Variants in SPATA13 observed in about 807,000 individuals in gnomAD.
The protein encoded by SPATA13 is spermatogenesis associated 13.
In SPATA13, 50 loss-of-function variants were observed where a neutral mutation model predicts 104.0. The ratio of observed to expected loss-of-function variants is 0.48; its 90% CI spans 0.38 to 0.61. The LOEUF is 0.61. Ranked by LOEUF, SPATA13 falls within the 20% of genes least tolerant of loss-of-function variation. SPATA13 has a pLI of 0.00. For missense variants in SPATA13, 1,524 were observed against 1,690.6 expected (o/e 0.90, Z 1.73); for synonymous variants, 606 against 667.5 (o/e 0.91, Z 1.42).
intron 3 of SPATA13, among the ~76,000 whole-genome samples, chr13:24,084,675 A>T (rs535674714): frequency 6.6e-6 from 1 of 152,246 alleles, no homozygotes; most frequent in African/African-American, 2.4e-5. Context: ...CACCATGGCC[A>T]TTTGAGTAGT....
intron 5 of SPATA13, 25 bp downstream of exon 5, chr13:24,284,296 G>A (rs778694487): frequency 6.2e-7 from 1 of 1,601,204 alleles, no homozygotes; most frequent in South Asian, 1.1e-5. Context: ...CACGACAGTA[G>A]TGGATACGGG....
intron 4 of SPATA13, among the ~76,000 whole-genome samples, chr13:24,280,450 G>A (rs1875410133): frequency 6.6e-6 from 1 of 151,440 alleles, no homozygotes; most frequent in Non-Finnish European, 1.5e-5. Flanking sequence ...GAGCTGTGCT[G>A]TGGGTGGGAA....
intron 3 of SPATA13, among the ~76,000 whole-genome samples, chr13:24,024,710 T>C (rs1566076619): frequency 6.6e-6 from 1 of 151,232 alleles, no homozygotes; most frequent in Non-Finnish European, 1.5e-5. Flanking sequence ...TATATATATG[T>C]TATATATATA....
chr13:24,105,786 A>G (rs1201387577), intron 3 of SPATA13, among the ~76,000 whole-genome samples: 4 of 152,140 alleles, frequency 2.6e-5, no homozygotes, highest in Non-Finnish European at 4.4e-5. Flanking sequence ...TGATTAAGGA[A>G]AAATGAGGCC....
At chr13:24,129,479 A>G (rs1282926862) in intron 3 of SPATA13, among the ~76,000 whole-genome samples, 1 of 152,220 alleles carries the variant, frequency 6.6e-6, no homozygotes, top group Non-Finnish European at 1.5e-5. Flanking sequence ...TTCTGGAGTT[A>G]GAGGAGGGGA....
At position 24,047,429 on chromosome 13, in the gene SPATA13, G is replaced by C. The variant is rs555484862; in HGVS notation, c.-112+29728G>C. On this transcript the variant is annotated intron_variant, in intron 3 of 14. Transcript: ENST00000424834. ...GCCCTGCATTCATTTTACAAAGGCA[G>C]TTTCGGTCCCTGAGCAAGGAGGGAG... Among the ~76,000 whole-genome samples, 74 of 152,326 alleles carry C rather than the reference G, an allele frequency of 4.9e-4. 1 individual carries two copies. The South Asian group carries it at 0.014, about 29-fold the overall frequency.
At chr13:24,038,146 C>T (rs9511008) in intron 3 of SPATA13, among the ~76,000 whole-genome samples, 63,221 of 151,880 alleles carry the variant, frequency 0.42, 13,650 homozygotes, top group Non-Finnish European at 0.48. Context: ...ATCTCCTGAC[C>T]TCGTGATCCG....
intron 3 of SPATA13, chr13:24,123,122 G>T: frequency 9.8e-7 from 1 of 1,017,948 alleles, no homozygotes; most frequent in Non-Finnish European, 1.6e-6. Context: ...GAATTGCATG[G>T]GTAAGGTCAT....
At chr13:24,078,330 G>A (rs1468647451) in intron 3 of SPATA13, among the ~76,000 whole-genome samples, 1 of 152,210 alleles carries the variant, frequency 6.6e-6, no homozygotes, top group Non-Finnish European at 1.5e-5. Flanking sequence ...GGGCATGATA[G>A]TAGTTTTGAT....
At chr13:24,255,354 G>A (rs1180409673) in intron 4 of SPATA13, among the ~76,000 whole-genome samples, 2 of 152,114 alleles carry the variant, frequency 1.3e-5, no homozygotes, top group Non-Finnish European at 2.9e-5. Flanking sequence ...CTCTGTCATG[G>A]TGGCTCAGGT....
intron 1 of SPATA13, among the ~76,000 whole-genome samples, chr13:24,175,339 C>A (rs572558442): frequency 6.6e-6 from 1 of 152,160 alleles, no homozygotes; most frequent in South Asian, 2.1e-4. Flanking sequence ...TAGTGCCTAG[C>A]AAACATAGGG....
intron 3 of SPATA13, among the ~76,000 whole-genome samples, chr13:24,120,589 C>G (rs1566111094): frequency 6.6e-6 from 1 of 152,184 alleles, no homozygotes; most frequent in Non-Finnish European, 1.5e-5. Flanking sequence ...CCCTCTGCCT[C>G]TGTTTTCTCA....
intron 1 of SPATA13, among the ~76,000 whole-genome samples, chr13:24,207,184 A>G: frequency 6.6e-6 from 1 of 152,292 alleles, no homozygotes; most frequent in Non-Finnish European, 1.5e-5. Context: ...ACATGGACAC[A>G]TGGTGGGGAA....
At chr13:24,120,941 C>G (rs527859569) in intron 3 of SPATA13, among the ~76,000 whole-genome samples, 2 of 152,248 alleles carry the variant, frequency 1.3e-5, no homozygotes, top group African/African-American at 4.8e-5. Context: ...TGGGAAGCTT[C>G]CTGGGGTCTA....
At position 24,268,713 on chromosome 13, in the gene SPATA13, C is replaced by T. The variant is rs1327300145; in HGVS notation, c.2165-15422C>T. 3.3e-5 allele frequency among the ~76,000 whole-genome samples: 5 copies of T among 152,256 alleles called. No individual in the cohort carries two copies. The East Asian group carries it at 5.8e-4, about 18-fold the overall frequency. On this transcript the variant is annotated intron_variant, in intron 4 of 12. Transcript: ENST00000382108. ...GGTGGAGGTTGCAGTGAGCCAAGAT[C>T]GTGCCACTGCACTCCAGCCTGAGTG...
rs1382073756 is a variant in SPATA13, at chr13:24,223,511, G to A, written c.582G>A (p.Gln194=). Residue 194 remains glutamine (Q), a synonymous_variant, in exon 2 of 13, where the codon CAG becomes CAA. Coordinates refer to ENST00000382108, the MANE Select transcript of SPATA13 (RefSeq NM_001166271.3). ...SDLEDTDDAF[Q]RSTHRSRSLR... Reference sequence around the variant, plus strand: ...TCGAGGACACGGACGATGCCTTCCAGCGGAGCACACACCGCTCCCGCAGCC... The same window carrying A: ...TCGAGGACACGGACGATGCCTTCCAACGGAGCACACACCGCTCCCGCAGCC... 2 of 1,548,434 alleles carry A rather than the reference G, an allele frequency of 1.3e-6. No individual in the cohort carries two copies. The highest frequency in any genetic ancestry group is 2.4e-5 in the South Asian group (2 of 84,066).
chr13:24,139,192 G>GC (rs1376851815), intron 3 of SPATA13, among the ~76,000 whole-genome samples: 1 of 152,048 alleles, frequency 6.6e-6, no homozygotes, highest in African/African-American at 2.4e-5. Flanking sequence ...TCTTCACACA[G>GC]CTTTTTCCCA....
intron 1 of SPATA13, among the ~76,000 whole-genome samples, chr13:23,983,322 C>T (rs1874990303): frequency 6.6e-6 from 1 of 152,158 alleles, no homozygotes; most frequent in Non-Finnish European, 1.5e-5. Context: ...TTGTCTGTGT[C>T]CTAATCTCTG....
intron 3 of SPATA13, among the ~76,000 whole-genome samples, chr13:24,081,142 C>A (rs1879502126): frequency 6.6e-6 from 1 of 152,106 alleles, no homozygotes; most frequent in South Asian, 2.1e-4. Flanking sequence ...TGTCAAAGAC[C>A]TCCATTTTGT....
Sources: allele counts gnomAD v4.1 joint callset (sites outside exome capture counted in the v4.1 genomes callset), GRCh38; gene constraint gnomAD v4.1.1; transcripts MANE v1.5; gene names NCBI Gene and HGNC (gene_info 2026-07-23, HGNC 2026-07-21).